The following KAZN variants were observed in gnomAD, a reference collection of about 807,000 sequenced individuals.
KAZN encodes the protein kazrin.
A neutral mutation model predicts 87.4 loss-of-function variants in KAZN; 40 were observed. The observed-to-expected ratio is 0.46, with a 90% CI of 0.36 to 0.60. KAZN has a LOEUF of 0.60. Among genes scored for constraint, KAZN ranks in the 20% least tolerant of loss-of-function variants. The pLI is 0.00. For synonymous variants in KAZN, 466 were observed against 458.3 expected (o/e 1.02, Z -0.22); for missense variants, 898 against 1,073.9 (o/e 0.84, Z 2.29).
chr1:14,823,479 G>A (rs1474096065), intron 1 of KAZN, among the ~76,000 whole-genome samples: 1 of 152,132 alleles, frequency 6.6e-6, no homozygotes, highest in Admixed American at 6.5e-5. Context: ...TCCCAAGTAG[G>A]AGGTATTTGG....
intron 1 of KAZN, among the ~76,000 whole-genome samples, chr1:14,093,489 T>G (rs1191013543): frequency 6.6e-6 from 1 of 152,214 alleles, no homozygotes; most frequent in Non-Finnish European, 1.5e-5. Flanking sequence ...TTAAATTCAT[T>G]TGAACTAATT....
chr1:13,958,296 T>C (rs867556587), intron 1 of KAZN, among the ~76,000 whole-genome samples: 40 of 152,190 alleles, frequency 2.6e-4, no homozygotes, highest in South Asian at 4.1e-4. Context: ...ATTGGCTGGG[T>C]GCGGTGGCTC....
chr1:14,966,757 C>T (rs927525487), intron 2 of KAZN, among the ~76,000 whole-genome samples: 4 of 152,128 alleles, frequency 2.6e-5, no homozygotes, highest in African/African-American at 7.2e-5. Flanking sequence ...CTGCAACCTC[C>T]GTCTCCTGGG....
intron 1 of KAZN, among the ~76,000 whole-genome samples, chr1:14,746,632 T>C (rs1644268227): frequency 6.6e-6 from 1 of 151,424 alleles, no homozygotes; most frequent in Non-Finnish European, 1.5e-5. Context: ...GAAGCTGGAG[T>C]TGGGGAGCTG....
intron 1 of KAZN, among the ~76,000 whole-genome samples, chr1:14,041,373 T>A (rs2101400888): frequency 6.6e-6 from 1 of 152,342 alleles, no homozygotes; most frequent in African/African-American, 2.4e-5. Flanking sequence ...TGATTTTATT[T>A]CCTTTCTTCT....
At chr1:15,007,812 C>T (rs1024241150) in intron 2 of KAZN, among the ~76,000 whole-genome samples, 1 of 152,228 alleles carries the variant, frequency 6.6e-6, no homozygotes, top group Non-Finnish European at 1.5e-5. Flanking sequence ...TGCCACCGCC[C>T]ATTTCACTTC....
intron 2 of KAZN, among the ~76,000 whole-genome samples, chr1:14,419,740 G>A (rs190961854): frequency 6.6e-6 from 1 of 152,076 alleles, no homozygotes. Context: ...GTGAGCGTTA[G>A]GACTCTTAAG....
intron 2 of KAZN, among the ~76,000 whole-genome samples, chr1:14,993,630 C>T (rs997278813): frequency 2.0e-5 from 3 of 152,174 alleles, no homozygotes; most frequent in African/African-American, 7.2e-5. Flanking sequence ...CCTGCTGCCT[C>T]GACTCTCGTC....
At chr1:14,405,106 T>C (rs1215439337) in intron 2 of KAZN, among the ~76,000 whole-genome samples, 2 of 152,174 alleles carry the variant, frequency 1.3e-5, no homozygotes, top group African/African-American at 4.8e-5. Context: ...TGAATACATA[T>C]ACAAAATGCT....
intron 2 of KAZN, among the ~76,000 whole-genome samples, chr1:14,455,285 A>G (rs561315625): frequency 6.6e-6 from 1 of 152,282 alleles, no homozygotes; most frequent in Non-Finnish European, 1.5e-5. Context: ...TATCATCTCT[A>G]TTTGTTTCTG....
intron 1 of KAZN, among the ~76,000 whole-genome samples, chr1:13,954,194 ACT>A (rs1230011275): frequency 2.0e-5 from 3 of 152,166 alleles, no homozygotes; most frequent in Non-Finnish European, 4.4e-5. Flanking sequence ...ACAGAATGAG[ACT>A]CTGTCTCAAA....
intron 1 of KAZN, among the ~76,000 whole-genome samples, chr1:14,610,383 T>G (rs940160083): frequency 6.6e-6 from 1 of 152,152 alleles, no homozygotes; most frequent in Admixed American, 6.5e-5. Context: ...CCACCATGCC[T>G]GGCTAATTTT....
intron 2 of KAZN, among the ~76,000 whole-genome samples, chr1:14,462,612 A>G (rs1019661341): frequency 6.6e-6 from 1 of 152,148 alleles, no homozygotes; most frequent in African/African-American, 2.4e-5. Context: ...TGGGTAATTT[A>G]CAAAGGAAAG....
intron 1 of KAZN, chr1:14,692,047 TAA>T (rs34394371): frequency 1.5e-4 from 35 of 225,922 alleles, no homozygotes; most frequent in East Asian, 6.7e-4. Flanking sequence ...ACAGTAGTGG[TAA>T]AAAAAAAAAA....
chr1:14,503,150 G>A (rs1273370260), intron 2 of KAZN, among the ~76,000 whole-genome samples: 1 of 151,958 alleles, frequency 6.6e-6, no homozygotes, highest in Non-Finnish European at 1.5e-5. Flanking sequence ...TCTAGGAAAT[G>A]GGTCAATAGC....
intron 2 of KAZN, among the ~76,000 whole-genome samples, chr1:14,416,115 G>C (rs1664737504): frequency 6.6e-6 from 1 of 152,144 alleles, no homozygotes; most frequent in Non-Finnish European, 1.5e-5. Context: ...AGGAGCAATG[G>C]GCAGCTGCAA....
chr1:14,116,262 T>A (rs1286503821), intron 1 of KAZN, among the ~76,000 whole-genome samples: 1 of 152,084 alleles, frequency 6.6e-6, no homozygotes, highest in African/African-American at 2.4e-5. Context: ...GTCTCTCCCA[T>A]CACAGGCCCA....
intron 2 of KAZN, among the ~76,000 whole-genome samples, chr1:14,239,636 T>G (rs1054953641): frequency 6.6e-6 from 1 of 151,732 alleles, no homozygotes. Flanking sequence ...AATTTTGTAT[T>G]TTTAGTAGAG....
chr1:14,016,056 G>A (rs1287465113), intron 1 of KAZN, among the ~76,000 whole-genome samples: 4 of 152,110 alleles, frequency 2.6e-5, no homozygotes, highest in African/African-American at 9.7e-5. Context: ...CTTTAAGAAT[G>A]CAATGGTTCT....
Sources: allele counts gnomAD v4.1 joint callset (sites outside exome capture counted in the v4.1 genomes callset), GRCh38; gene constraint gnomAD v4.1.1; transcripts MANE v1.5; gene names NCBI Gene and HGNC (gene_info 2026-07-23, HGNC 2026-07-21).